HK2: variants seen among roughly 807,000 people sequenced by gnomAD.
The protein encoded by HK2 is hexokinase-2.
In HK2, 42 loss-of-function variants were observed where a neutral mutation model predicts 92.9. The ratio of observed to expected loss-of-function variants is 0.45; its 90% CI spans 0.35 to 0.58. The LOEUF (loss-of-function observed/expected upper bound fraction) is 0.58. HK2 is among the 20% of genes least tolerant of loss of function. The pLI is 0.00. For synonymous variants in HK2, 422 were observed against 468.0 expected (o/e 0.90, Z 1.27); for missense variants, 978 against 1,245.1 (o/e 0.79, Z 3.23).
At chr2:74,852,881 C>T (rs974327078) in intron 1 of HK2, among the ~76,000 whole-genome samples, 5 of 152,144 alleles carry the variant, frequency 3.3e-5, no homozygotes, top group South Asian at 2.1e-4. Context: ...TGCCAGGCAC[C>T]GTGCCAGCCT....
At position 74,892,519 on chromosome 2, in the gene HK2, TC is replaced by T. The variant is rs1379179136; in HGVS notation, c.*1581del. On this transcript the variant is annotated 3_prime_UTR_variant, in exon 18 of 18. Coordinates refer to ENST00000290573, the MANE Select transcript of HK2 (RefSeq NM_000189.5). ...GATGAGAGTGGCTTAAAAACTTCCATCCCTACTTTTCAAGAGTGCAGTTGAT... is the reference window on the plus strand; with the variant it reads ...GATGAGAGTGGCTTAAAAACTTCCATCCTACTTTTCAAGAGTGCAGTTGAT... The T allele has an allele frequency of 6.6e-6, 1 of 152,154 alleles. No individual in the cohort carries two copies. The highest frequency in any genetic ancestry group is 6.5e-5 in the Admixed American group (1 of 15,276). 9.4% of individuals were successfully genotyped at this position (152,154 alleles called of 1,614,324 possible).
Position 74,882,256 on chromosome 2 carries a change from G to A in HK2, c.1839+17G>A, listed in dbSNP as rs1689415102. 1 of 1,613,696 alleles carries A rather than the reference G, an allele frequency of 6.2e-7. No individual in the cohort carries two copies. Among genetic ancestry groups the A allele is most frequent in the Admixed American group, 1.7e-5 (1 of 59,988 alleles). On this transcript the variant is annotated intron_variant, in intron 12 of 17. Transcript: ENST00000290573. Reference sequence around the variant, plus strand: ...CTGGACGAGGTAACAGCACCTTCCTGGAGGGCTCTCCTGTGGGCTTTATTG... The same window carrying A: ...CTGGACGAGGTAACAGCACCTTCCTAGAGGGCTCTCCTGTGGGCTTTATTG...
intron 12 of HK2, 149 bp from the exon 13 acceptor site, chr2:74,885,345 G>A: frequency 1.4e-6 from 1 of 702,242 alleles, no homozygotes; most frequent in Non-Finnish European, 2.6e-6. Flanking sequence ...AGTACCTTAG[G>A]AACAGTTTAA....
intron 7 of HK2, among the ~76,000 whole-genome samples, 174 bp from the exon 8 acceptor site, chr2:74,876,992 A>G (rs10153633): frequency 0.19 from 29,003 of 152,060 alleles, 2,882 homozygotes; most frequent in African/African-American, 0.23. Flanking sequence ...TGCAGGGACA[A>G]CCCAAGCCAG....
intron 2 of HK2, among the ~76,000 whole-genome samples, chr2:74,858,268 T>C (rs1321375589): frequency 6.6e-6 from 1 of 152,236 alleles, no homozygotes; most frequent in Admixed American, 6.5e-5. Context: ...CTTTGCAGTT[T>C]GAAAGCCACT....
In HK2 at chr2:74,878,681, T is replaced by C. The variant is rs748542815; in HGVS notation, c.1032-7T>C. The C allele has an allele frequency of 2.9e-5, 46 of 1,599,692 alleles. No homozygotes were observed. In the South Asian group the frequency reaches 4.3e-4, roughly 15 times the overall value. ...ACAGGCCCACATGCTATCTTTCTGTTTCCCAGGGAGAAGGATGGCATCCGG... is the reference window on the plus strand; with the variant it reads ...ACAGGCCCACATGCTATCTTTCTGTCTCCCAGGGAGAAGGATGGCATCCGG... On this transcript the variant is annotated splice_region_variant and splice_polypyrimidine_tract_variant and intron_variant, in intron 8 of 17. Transcript: ENST00000290573.
intron 1 of HK2, among the ~76,000 whole-genome samples, chr2:74,850,690 T>C (rs1297047468): frequency 6.6e-6 from 1 of 152,114 alleles, no homozygotes; most frequent in Non-Finnish European, 1.5e-5. Context: ...ATTCTGAAAA[T>C]TGCATTCATC....
chr2:74,857,411 A>G (rs144191810), intron 2 of HK2, among the ~76,000 whole-genome samples: 175 of 152,348 alleles, frequency 1.1e-3, no homozygotes, highest in African/African-American at 4.1e-3. Context: ...TGTATATATG[A>G]CAACTCAGCA....
rs7600390 is a variant in HK2, at chr2:74,837,704, T to C, written c.63+3061T>C. Among the ~76,000 whole-genome samples the C allele has an allele frequency of 2.9e-3, 426 of 144,744 alleles. 2 individuals carry two copies. Among genetic ancestry groups the C allele is most frequent in the African/African-American group, 0.011 (407 of 38,656 alleles). 95.0% of individuals were successfully genotyped at this position (144,744 alleles called of 152,430 possible). ...TTTTTTTTTTTTTTTTGAGACACAG[T>C]TTCACTCTGTCACCAGGCTGGAGTG... On this transcript the variant is annotated intron_variant, in intron 1 of 17. Transcript: ENST00000290573.
At chr2:74,885,646 C>G (rs764801097) in intron 13 of HK2, 57 bp downstream of exon 13, 20 of 1,163,652 alleles carry the variant, frequency 1.7e-5, no homozygotes, top group Non-Finnish European at 2.5e-5. Context: ...TTGGCCTGGT[C>G]TGTGTGTTCA....
chr2:74,883,829 A>G (rs1689458986), intron 12 of HK2, among the ~76,000 whole-genome samples: 1 of 152,260 alleles, frequency 6.6e-6, no homozygotes. Context: ...AAACTTGCTG[A>G]ATAGTGAGAT....
chr2:74,846,550 AT>A (rs1688443238), intron 1 of HK2, among the ~76,000 whole-genome samples: 1 of 152,092 alleles, frequency 6.6e-6, no homozygotes, highest in Admixed American at 6.5e-5. Flanking sequence ...TGTGTCTGGC[AT>A]TTTTCAGCCA....
chr2:74,877,456 T>C, intron 8 of HK2, 135 bp downstream of exon 8: 1 of 975,376 alleles, frequency 1.0e-6, no homozygotes. Flanking sequence ...ACGTGGACCA[T>C]GGCGGGCCTG....
At position 74,877,115 on chromosome 2, in the gene HK2, G is replaced by A. The variant is rs28363013; in HGVS notation, c.876-51G>A. The A allele has an allele frequency of 8.7e-4, 1,405 of 1,610,846 alleles. 14 individuals carry two copies. The African/African-American group carries it at 0.017, about 19-fold the overall frequency. ...CATCTTGCTTCAACAGGGAAGCTAT[G>A]AGTACATGGGCAGTGGGGACTTTAT... On this transcript the variant is annotated intron_variant, in intron 7 of 17. Coordinates refer to ENST00000290573, the MANE Select transcript of HK2 (RefSeq NM_000189.5).
chr2:74,887,104 C>T (rs969909174), intron 15 of HK2, among the ~76,000 whole-genome samples: 4 of 152,210 alleles, frequency 2.6e-5, no homozygotes, highest in Non-Finnish European at 4.4e-5. Flanking sequence ...GGTAGGGGAG[C>T]GGGGTCTGAG....
intron 1 of HK2, chr2:74,835,154 G>A (rs1688127292): frequency 1.1e-5 from 2 of 190,130 alleles, no homozygotes; most frequent in Non-Finnish European, 2.2e-5. Flanking sequence ...GCGGGGGTGG[G>A]CTCGAGGAGA....
chr2:74,847,434 T>C (rs1476712940), intron 1 of HK2, among the ~76,000 whole-genome samples: 1 of 152,024 alleles, frequency 6.6e-6, no homozygotes, highest in Admixed American at 6.6e-5. Context: ...TCCCAGCACT[T>C]TGGGAGGCCA....
chr2:74,865,858 C>T (rs1688933131), intron 2 of HK2, among the ~76,000 whole-genome samples: 1 of 152,054 alleles, frequency 6.6e-6, no homozygotes, highest in Non-Finnish European at 1.5e-5. Flanking sequence ...AGAGAGAGTA[C>T]CTAGTACTTA....
intron 1 of HK2, among the ~76,000 whole-genome samples, chr2:74,841,221 C>T (rs1009594566): frequency 6.6e-6 from 1 of 151,286 alleles, no homozygotes; most frequent in Admixed American, 6.6e-5. Context: ...CCCCAGTGGA[C>T]TTTGGCAATG....
Sources: gnomAD v4.1 joint callset for allele counts (sites outside exome capture counted in the v4.1 genomes callset) on GRCh38, gnomAD v4.1.1 for gene constraint, MANE v1.5 for transcripts, NCBI Gene and HGNC (gene_info 2026-07-23, HGNC 2026-07-21) for gene names.